LAMA3: variants seen among roughly 807,000 people sequenced by gnomAD.
LAMA3 encodes the protein laminin subunit alpha 3, also known as laminin subunit alpha-3.
A neutral mutation model predicts 402.0 loss-of-function variants in LAMA3; 281 were observed. That is an observed-to-expected ratio of 0.70 (90% CI 0.63 to 0.77). The LOEUF is 0.77. Among genes scored for constraint, LAMA3 ranks in the 30% least tolerant of loss-of-function variants. The probability of loss-of-function intolerance (pLI) is 0.00; values close to 1 mark genes in which losing one functional copy is unlikely to be tolerated. For synonymous variants in LAMA3, 1,431 were observed against 1,558.4 expected (o/e 0.92, Z 1.93); for missense variants, 3,840 against 4,215.5 (o/e 0.91, Z 2.47).
intron 18 of LAMA3, among the ~76,000 whole-genome samples, chr18:23,819,604 C>T (rs1005797897): frequency 4.6e-5 from 7 of 152,104 alleles, no homozygotes; most frequent in Admixed American, 6.5e-5. Context: ...TTGTGCTAAA[C>T]GATTTTCTCA....
chr18:23,950,216 G>A, intron 72 of LAMA3, 57 bp downstream of exon 72: 1 of 1,608,076 alleles, frequency 6.2e-7, no homozygotes, highest in South Asian at 1.1e-5. Flanking sequence ...TCAATGTCTG[G>A]AGGCCACAGC....
In LAMA3 at chr18:23,928,134, C is replaced by A; in HGVS notation, c.8189C>A (p.Ser2730Tyr). 1 of 1,611,712 alleles carries A rather than the reference C, an allele frequency of 6.2e-7. No individual in the cohort carries two copies. The highest frequency in any genetic ancestry group is 8.5e-7 in the Non-Finnish European group (1 of 1,177,760). The change falls in exon 63 of 75, where the codon TCT becomes TAT. Residue 2730 changes from serine (S) to tyrosine (Y), a missense_variant. Ser to Tyr is a moderately radical substitution (Grantham distance 144). Transcript: ENST00000313654. The part of the protein sequence containing the change: ...PIAIRERFNI[S>Y]TPAFRGCMKN... Reference sequence around the variant, plus strand: ...GTGTTCGTAATCAGATTTAACATTTCTACGCCTGCTTTCCGAGGCTGCATG... The same window carrying A: ...GTGTTCGTAATCAGATTTAACATTTATACGCCTGCTTTCCGAGGCTGCATG...
intron 12 of LAMA3, among the ~76,000 whole-genome samples, chr18:23,793,464 CAGAAAT>C (rs2144108225): frequency 6.6e-6 from 1 of 151,882 alleles, no homozygotes; most frequent in South Asian, 2.1e-4. Context: ...TCACAAGCAA[CAGAAAT>C]GGAGAGGCTT....
At chr18:23,696,870 C>T (rs1275999977) in intron 1 of LAMA3, among the ~76,000 whole-genome samples, 1 of 152,210 alleles carries the variant, frequency 6.6e-6, no homozygotes, top group Non-Finnish European at 1.5e-5. Flanking sequence ...CTTTCCTATA[C>T]TTGATGCTAC....
At chr18:23,698,137 A>AG (rs1374790655) in intron 1 of LAMA3, among the ~76,000 whole-genome samples, 18 of 688 alleles carry the variant, frequency 0.026, no homozygotes, top group Non-Finnish European at 0.041. Flanking sequence ...AATTTGTGGG[A>AG]GGGGGTGGGT....
chr18:23,712,631 T>G (rs145675650), intron 1 of LAMA3, among the ~76,000 whole-genome samples: 2 of 109,920 alleles, frequency 1.8e-5, no homozygotes, highest in Non-Finnish European at 4.0e-5. Context: ...TTTTGTATAA[T>G]GTCGAAAGAT....
chr18:23,756,310 T>C (rs1707916326), intron 6 of LAMA3, among the ~76,000 whole-genome samples: 1 of 152,006 alleles, frequency 6.6e-6, no homozygotes, highest in Non-Finnish European at 1.5e-5. Flanking sequence ...CATTTTGCTG[T>C]TGTTCTTTTA....
At chr18:23,877,743 C>G (rs983985276) in intron 39 of LAMA3, among the ~76,000 whole-genome samples, 1 of 152,138 alleles carries the variant, frequency 6.6e-6, no homozygotes, top group Non-Finnish European at 1.5e-5. Context: ...TTTTCCAGCT[C>G]GTTAGTATTC....
At position 23,876,319 on chromosome 18, in the gene LAMA3, A is replaced by T; in HGVS notation, c.5024A>T (p.Asp1675Val). The change falls in exon 39 of 75, where the codon GAT (aspartate) becomes GTT (valine). Residue 1675 changes from aspartate (D) to valine (V), a missense_variant. Transcript: ENST00000313654. Reference sequence around the variant, plus strand: ...GGTTGTAGCCCTGGATACTATCGGGATCATAAAGGCTTGTATACCGGACGG... The same window carrying T: ...GGTTGTAGCCCTGGATACTATCGGGTTCATAAAGGCTTGTATACCGGACGG... ...CQGCSPGYYR[D>V]HKGLYTGRCV... 1 of 1,613,810 alleles carries T rather than the reference A, an allele frequency of 6.2e-7. No homozygotes were observed. The highest frequency in any genetic ancestry group is 8.5e-7 in the Non-Finnish European group (1 of 1,179,644).
At chr18:23,713,411 T>G (rs2061033917) in intron 1 of LAMA3, among the ~76,000 whole-genome samples, 1 of 152,224 alleles carries the variant, frequency 6.6e-6, no homozygotes, top group South Asian at 2.1e-4. Flanking sequence ...CTACCGCCAT[T>G]GGCCACAGCC....
Position 23,907,787 on chromosome 18 carries a change from G to A in LAMA3, c.6867G>A (p.Lys2289=), listed in dbSNP as rs199663037. 29 of 1,614,188 alleles carry A rather than the reference G, an allele frequency of 1.8e-5. No homozygotes were observed. The East Asian group carries it at 6.0e-4, about 33-fold the overall frequency. The change falls in exon 54 of 75, where the codon AAG becomes AAA. Residue 2289 remains lysine, a synonymous_variant. Coordinates refer to ENST00000313654, the MANE Select transcript of LAMA3 (RefSeq NM_198129.4). The part of the protein sequence containing the change: ...GDIDAMISSA[K]SMVRKANDIT... ...TTGATGCTATGATCAGTAGTGCAAAGAGCATGGTCAGAAAGGCCAACGACA... is the reference window on the plus strand; with the variant it reads ...TTGATGCTATGATCAGTAGTGCAAAAAGCATGGTCAGAAAGGCCAACGACA...
rs761137754 is a variant in LAMA3, at chr18:23,901,192, A to G, written c.6070A>G (p.Ile2024Val). 17 of 1,614,216 alleles carry G rather than the reference A, an allele frequency of 1.1e-5. No homozygotes were observed. The Admixed American group carries it at 2.5e-4, about 24-fold the overall frequency. ...QGENNGLANSIRDSLNEYEAK... is the reference protein window; with the variant it reads ...QGENNGLANSVRDSLNEYEAK... ...GGAGAACAATGGGCTTGCTAACAGTATCCGGGATTCTTTAAATGAATACGA... is the reference window on the plus strand; with the variant it reads ...GGAGAACAATGGGCTTGCTAACAGTGTCCGGGATTCTTTAAATGAATACGA... The change falls in exon 48 of 75, where the codon ATC (isoleucine) becomes GTC (valine). Residue 2024 changes from isoleucine to valine, a missense_variant. Ile to Val is a conservative substitution (Grantham distance 29, BLOSUM62 3). Transcript: ENST00000313654.
intron 10 of LAMA3, among the ~76,000 whole-genome samples, chr18:23,776,767 T>C (rs563931868): frequency 7.2e-4 from 110 of 152,136 alleles, no homozygotes; most frequent in Non-Finnish European, 1.2e-3. Flanking sequence ...TGTCCTACTT[T>C]GGTTGATGAG....
chr18:23,898,506 A>G (rs2080954836), intron 44 of LAMA3: 1 of 558,960 alleles, frequency 1.8e-6, no homozygotes, highest in African/African-American at 1.9e-5. Flanking sequence ...CAAGTGAAGT[A>G]GCTCTTATCT....
At chr18:23,878,055 A>T (rs1488155180) in intron 39 of LAMA3, among the ~76,000 whole-genome samples, 2 of 152,166 alleles carry the variant, frequency 1.3e-5, no homozygotes, top group Non-Finnish European at 2.9e-5. Flanking sequence ...GGAGCTTGCA[A>T]TGATGGCGCC....
chr18:23,757,849 T>G (rs1430620478), intron 6 of LAMA3, among the ~76,000 whole-genome samples: 15 of 152,232 alleles, frequency 9.9e-5, no homozygotes, highest in Non-Finnish European at 2.2e-4. Context: ...CTCTGAGTGG[T>G]CTCAGCTTTT....
At chr18:23,934,020 G>T in intron 67 of LAMA3, 85 bp downstream of exon 67, 1 of 1,333,720 alleles carries the variant, frequency 7.5e-7, no homozygotes. Flanking sequence ...TGGGGAAGGG[G>T]GTGAGAGCTC....
intron 42 of LAMA3, among the ~76,000 whole-genome samples, chr18:23,893,243 AG>A (rs1370057410): frequency 6.6e-6 from 1 of 152,190 alleles, no homozygotes; most frequent in East Asian, 1.9e-4. Context: ...GAAGGTAGAT[AG>A]TTTGTTCAGG....
At chr18:23,709,796 G>A (rs1161638944) in intron 1 of LAMA3, 1 of 619,002 alleles carries the variant, frequency 1.6e-6, no homozygotes, top group Admixed American at 2.0e-5. Flanking sequence ...TTTTTTTCTG[G>A]TGAATTAGCC....
Sources: gnomAD v4.1 joint callset for allele counts (sites outside exome capture counted in the v4.1 genomes callset) on GRCh38, gnomAD v4.1.1 for gene constraint, MANE v1.5 for transcripts, NCBI Gene and HGNC (gene_info 2026-07-23, HGNC 2026-07-21) for gene names.